The following CDPF1 variants were observed in gnomAD, a reference collection of about 807,000 sequenced individuals.
The protein encoded by CDPF1 is cysteine-rich DPF motif domain-containing protein 1.
A neutral mutation model predicts 8.3 loss-of-function variants in CDPF1; 8 were observed. The ratio of observed to expected loss-of-function variants is 0.96; its 90% CI spans 0.57 to 1.74. The LOEUF (loss-of-function observed/expected upper bound fraction) is 1.74, where lower values mean the gene tolerates loss of function less well. Among genes scored for constraint, CDPF1 ranks in the 40% most tolerant of loss-of-function variants. CDPF1 has a pLI of 0.00. For missense variants in CDPF1, 151 were observed against 155.3 expected (o/e 0.97, Z 0.15); for synonymous variants, 62 against 62.9 (o/e 0.99, Z 0.07).
chr22:46,244,849 G>A lies in CDPF1; in HGVS notation c.*243C>T, dbSNP rs1410095494. ...CTGGGCCCTGAGGGGCATGTGGGGG[G>A]ACCTGGCCGGGTTCCTGGCTGTGTC... On this transcript the variant is annotated 3_prime_UTR_variant, in exon 4 of 4. Coordinates refer to ENST00000314567, the MANE Select transcript of CDPF1 (RefSeq NM_207327.5). This position sits in a 1 kb window ranked among gnomAD's most constrained non-coding sequence, Gnocchi z 6.7. The A allele has an allele frequency of 2.0e-5, 10 of 494,894 alleles. No individual in the cohort carries two copies. Among genetic ancestry groups the A allele is most frequent in the Non-Finnish European group, 1.5e-5 (4 of 271,824 alleles). The allele number at this position is 494,894 out of a possible 1,614,324, so 30.7% of individuals were successfully genotyped here. A position where few individuals can be genotyped will look rare whatever the true frequency, so the allele number is the denominator to read the frequency against.
rs1463577662 is a variant in CDPF1 at position 46,244,260 on chromosome 22, G to C, written c.*832C>G. 1 of 152,594 alleles carries C rather than the reference G, an allele frequency of 6.6e-6. No individual in the cohort carries two copies. The highest frequency in any genetic ancestry group is 1.5e-5 in the Non-Finnish European group (1 of 68,418). The allele number at this position is 152,594 out of a possible 1,614,324, so 9.5% of individuals were successfully genotyped here. On this transcript the variant is annotated 3_prime_UTR_variant, in exon 4 of 4. Transcript: ENST00000314567. This position sits in a 1 kb window ranked among gnomAD's most constrained non-coding sequence, Gnocchi z 6.7. ...CACAGGCACCCAGGGCTGAGTGCGAGATGGCAGGGGGCAAGCAGGCAAGCA... is the reference window on the plus strand; with the variant it reads ...CACAGGCACCCAGGGCTGAGTGCGACATGGCAGGGGGCAAGCAGGCAAGCA...
In CDPF1 at chr22:46,248,997, A is replaced by C. The variant is rs555215103; in HGVS notation, c.1-713T>G. ...TCGCGTCACTGCACTCCAGCCTGGG[A>C]GACAGCGAGACTCCATCTCAAAAAA... On this transcript the variant is annotated intron_variant, in intron 1 of 3. Transcript: ENST00000314567. This position sits in a 1 kb window ranked among gnomAD's most constrained non-coding sequence, Gnocchi z 4.1. Among the ~76,000 whole-genome samples the C allele has an allele frequency of 1.3e-3, 201 of 152,094 alleles. 5 individuals are homozygous for C. The East Asian group carries it at 0.035, about 27-fold the overall frequency.
Position 46,248,991 on chromosome 22 carries a change from C to T in CDPF1, c.1-707G>A, listed in dbSNP as rs1302462384. Among the ~76,000 whole-genome samples, 3 of 151,988 alleles carry T rather than the reference C, an allele frequency of 2.0e-5. No homozygotes were observed. The highest frequency in any genetic ancestry group is 7.2e-5 in the African/African-American group (3 of 41,418). ...CCGAGATCGCGTCACTGCACTCCAGCCTGGGAGACAGCGAGACTCCATCTC... is the reference window on the plus strand; with the variant it reads ...CCGAGATCGCGTCACTGCACTCCAGTCTGGGAGACAGCGAGACTCCATCTC... On this transcript the variant is annotated intron_variant, in intron 1 of 3. Coordinates refer to ENST00000314567, the MANE Select transcript of CDPF1 (RefSeq NM_207327.5). This position sits in a 1 kb window ranked among gnomAD's most constrained non-coding sequence, Gnocchi z 4.1.
Position 46,249,385 on chromosome 22 carries a change from A to AT in CDPF1, c.-1+870dup, listed in dbSNP as rs1324818738. Among the ~76,000 whole-genome samples the AT allele has an allele frequency of 6.6e-6, 1 of 152,204 alleles. No homozygotes were observed. The highest frequency in any genetic ancestry group is 2.4e-5 in the African/African-American group (1 of 41,454). On this transcript the variant is annotated intron_variant, in intron 1 of 3. Coordinates refer to ENST00000314567, the MANE Select transcript of CDPF1 (RefSeq NM_207327.5). The surrounding 1 kb of genome is among the most constrained non-coding windows in gnomAD (Gnocchi z 4.6). ...TAAGTCTGGCCCGGTGTGGTTGCTCATACCTGTAATCCCAGCACTCTGGTA... is the reference window on the plus strand; with the variant it reads ...TAAGTCTGGCCCGGTGTGGTTGCTCATTACCTGTAATCCCAGCACTCTGGTA...
chr22:46,244,956 C>G lies in CDPF1; in HGVS notation c.*136G>C. ...TGCTCCAAGCTGGACTCCAGCTCCC[C>G]TGGGCTGCAGTGCTGCTCCCAGTGG... is the stretch of plus-strand genomic sequence containing the variant. On this transcript the variant is annotated 3_prime_UTR_variant, in exon 4 of 4. Transcript: ENST00000314567. This position sits in a 1 kb window ranked among gnomAD's most constrained non-coding sequence, Gnocchi z 6.7. The G allele has an allele frequency of 8.7e-7, 1 of 1,148,290 alleles. No homozygotes were observed. The highest frequency in any genetic ancestry group is 1.5e-5 in the South Asian group (1 of 65,332). The allele number at this position is 1,148,290 out of a possible 1,614,324, so 71.1% of individuals were successfully genotyped here. A position where few individuals can be genotyped will look rare whatever the true frequency, so the allele number is the denominator to read the frequency against.
At position 46,247,012 on chromosome 22, in the gene CDPF1, A is replaced by G; in HGVS notation, c.225+98T>C. 3.2e-6 allele frequency: 4 copies of G among 1,264,884 alleles called. No homozygotes were observed. Among genetic ancestry groups the G allele is most frequent in the Non-Finnish European group, 4.5e-6 (4 of 897,112 alleles). The allele number at this position is 1,264,884 out of a possible 1,614,324, so 78.4% of individuals were successfully genotyped here. ...GAGGGGCCCCATCTATAATGGGGTG[A>G]ACCCGCTGCTCCCTCTCTCCCAGCC... On this transcript the variant is annotated intron_variant, in intron 3 of 3. Transcript: ENST00000314567. This position sits in a 1 kb window ranked among gnomAD's most constrained non-coding sequence, Gnocchi z 4.3.
chr22:46,250,226 G>C (rs867697597), intron 1 of CDPF1, 30 bp downstream of exon 1: 2 of 152,322 alleles, frequency 1.3e-5, no homozygotes, highest in Non-Finnish European at 2.9e-5. Flanking sequence ...CAGCACGCTC[G>C]CCCCAGTCAC....
In CDPF1 at chr22:46,244,932, G is replaced by T; in HGVS notation, c.*160C>A. On this transcript the variant is annotated 3_prime_UTR_variant, in exon 4 of 4. Coordinates refer to ENST00000314567, the MANE Select transcript of CDPF1 (RefSeq NM_207327.5). This position sits in a 1 kb window ranked among gnomAD's most constrained non-coding sequence, Gnocchi z 6.7. Reference sequence around the variant, plus strand: ...GCTACAGCTCCCTGGGCCTGTGGCTGCTCCAAGCTGGACTCCAGCTCCCCT... The same window carrying T: ...GCTACAGCTCCCTGGGCCTGTGGCTTCTCCAAGCTGGACTCCAGCTCCCCT... 2.3e-6 allele frequency: 2 copies of T among 864,430 alleles called. No homozygotes were observed. Among genetic ancestry groups the T allele is most frequent in the Non-Finnish European group, 3.5e-6 (2 of 569,816 alleles). 53.5% of individuals were successfully genotyped at this position (864,430 alleles called of 1,614,324 possible). A position where few individuals can be genotyped will look rare whatever the true frequency, so the allele number is the denominator to read the frequency against.
chr22:46,246,643 T>C lies in CDPF1; in HGVS notation c.225+467A>G, dbSNP rs1444826300. On this transcript the variant is annotated intron_variant, in intron 3 of 3. Transcript: ENST00000314567. This position sits in a 1 kb window ranked among gnomAD's most constrained non-coding sequence, Gnocchi z 7.1. The stretch of plus-strand genomic sequence containing the variant: ...CTCTGAAGCTCAGTTCCCTCATCTA[T>C]AAAATGGGTGGAATATAATACTGCT... The C allele has an allele frequency of 1.3e-6, 2 of 1,546,856 alleles. No homozygotes were observed. Among genetic ancestry groups the C allele is most frequent in the Non-Finnish European group, 8.7e-7 (1 of 1,144,960 alleles).
Position 46,248,274 on chromosome 22 carries a change from T to C in CDPF1, c.11A>G (p.His4Arg), listed in dbSNP as rs1039957242. MAS[H>R]VECRPLGVFE... ...CACTCCCAGAGGACGGCACTCTACA[T>C]GGGACGCCATCTGCAAGATCAAGAG... Residue 4 changes from histidine to arginine, a missense_variant, in exon 2 of 4, where the codon CAT (histidine) becomes CGT (arginine). By Grantham distance (29) the His-to-Arg change is conservative. Coordinates refer to ENST00000314567, the MANE Select transcript of CDPF1 (RefSeq NM_207327.5). The surrounding 1 kb of genome is among the most constrained non-coding windows in gnomAD (Gnocchi z 4.1). 1 of 1,610,280 alleles carries C rather than the reference T, an allele frequency of 6.2e-7. No individual in the cohort carries two copies. The highest frequency in any genetic ancestry group is 8.5e-7 in the Non-Finnish European group (1 of 1,177,366).
At position 46,248,235 on chromosome 22, in the gene CDPF1, A is replaced by G; in HGVS notation, c.50T>C (p.Leu17Pro). 6.2e-7 allele frequency: 1 copy of G among 1,613,918 alleles called. No homozygotes were observed. Among genetic ancestry groups the G allele is most frequent in the Non-Finnish European group, 8.5e-7 (1 of 1,179,920 alleles). Residue 17 changes from leucine to proline, a missense_variant, in exon 2 of 4, where the codon CTC becomes CCC. Transcript: ENST00000314567. This position sits in a 1 kb window ranked among gnomAD's most constrained non-coding sequence, Gnocchi z 4.1. ...CRPLGVFECELCTLTAPYSYV... is the reference protein window; with the variant it reads ...CRPLGVFECEPCTLTAPYSYV... ...GCTGTACGGAGCTGTCAAGGTACAG[A>G]GTTCACACTCAAACACTCCCAGAGG... is the stretch of plus-strand genomic sequence containing the variant.
rs1312507128 is a variant in CDPF1 at position 46,245,200 on chromosome 22, AG to A, written c.263del (p.Pro88LeufsTer42). ...SLFYSKRFCL[P>X]CVRENINAFP... is the part of the protein sequence containing the mutation. Reference sequence around the variant, plus strand: ...AAGCATTGATGTTCTCCCGGACACAAGGGAGGCAGAATCTCTTGGAGTAGAA... The same window carrying A: ...AAGCATTGATGTTCTCCCGGACACAAGGAGGCAGAATCTCTTGGAGTAGAA... On this transcript the variant is annotated frameshift_variant, in exon 4 of 4. Coordinates refer to ENST00000314567, the MANE Select transcript of CDPF1 (RefSeq NM_207327.5). LOFTEE classifies it low-confidence loss of function (END_TRUNC). This position sits in a 1 kb window ranked among gnomAD's most constrained non-coding sequence, Gnocchi z 6.9. 43 of 1,614,074 alleles carry A rather than the reference AG, an allele frequency of 2.7e-5. 1 individual carries two copies. The Admixed American group carries it at 7.2e-4, about 27-fold the overall frequency.
At position 46,245,192 on chromosome 22, in the gene CDPF1, C is replaced by T. The variant is rs760755810; in HGVS notation, c.272G>A (p.Arg91Gln). 24 of 1,614,080 alleles carry T rather than the reference C, an allele frequency of 1.5e-5. No individual in the cohort carries two copies. Among genetic ancestry groups the T allele is most frequent in the South Asian group, 9.9e-5 (9 of 91,082 alleles). ...CTGAGGAAAAGCATTGATGTTCTCC[C>T]GGACACAAGGGAGGCAGAATCTCTT... is the stretch of plus-strand genomic sequence containing the variant. ...YSKRFCLPCV[R>Q]ENINAFPQEI... is the part of the protein sequence containing the mutation. Residue 91 changes from arginine to glutamine, a missense_variant, in exon 4 of 4, where the codon CGG becomes CAG. Coordinates refer to ENST00000314567, the MANE Select transcript of CDPF1 (RefSeq NM_207327.5). This position sits in a 1 kb window ranked among gnomAD's most constrained non-coding sequence, Gnocchi z 6.9.
rs1189190902 is a variant in CDPF1 at position 46,246,567 on chromosome 22, C to T, written c.225+543G>A. ...TGTGAAAGCCATGCTGCTCCACTTCCATCCGTCCTTGGGTTTACAGCTACC... is the reference window on the plus strand; with the variant it reads ...TGTGAAAGCCATGCTGCTCCACTTCTATCCGTCCTTGGGTTTACAGCTACC... On this transcript the variant is annotated intron_variant, in intron 3 of 3. Transcript: ENST00000314567. This position sits in a 1 kb window ranked among gnomAD's most constrained non-coding sequence, Gnocchi z 7.1. The T allele has an allele frequency of 1.0e-5, 14 of 1,371,148 alleles. No homozygotes were observed. The highest frequency in any genetic ancestry group is 1.4e-5 in the Non-Finnish European group (14 of 1,013,098). 84.9% of individuals were successfully genotyped at this position (1,371,148 alleles called of 1,614,324 possible). A position where few individuals can be genotyped will look rare whatever the true frequency, so the allele number is the denominator to read the frequency against.
Position 46,246,880 on chromosome 22 carries a change from C to G in CDPF1, c.225+230G>C. The G allele has an allele frequency of 6.6e-7, 1 of 1,520,070 alleles. No homozygotes were observed. Among genetic ancestry groups the G allele is most frequent in the Non-Finnish European group, 8.9e-7 (1 of 1,129,546 alleles). 94.2% of individuals were successfully genotyped at this position (1,520,070 alleles called of 1,614,324 possible). ...GGGAAGGGGAGGAACCCTGAGGGGC[C>G]ACTGGGGTGGGTGCAGAGCCACCAA... is the stretch of plus-strand genomic sequence containing the variant. On this transcript the variant is annotated intron_variant, in intron 3 of 3. Coordinates refer to ENST00000314567, the MANE Select transcript of CDPF1 (RefSeq NM_207327.5). The surrounding 1 kb of genome is among the most constrained non-coding windows in gnomAD (Gnocchi z 7.1).
Position 46,249,631 on chromosome 22 carries a change from A to G in CDPF1, c.-1+625T>C, listed in dbSNP as rs550539602. Among the ~76,000 whole-genome samples, 73 of 152,276 alleles carry G rather than the reference A, an allele frequency of 4.8e-4. No homozygotes were observed. Among genetic ancestry groups the G allele is most frequent in the African/African-American group, 1.6e-3 (68 of 41,532 alleles). ...GCCACTGTACTCCAGCCTGGGCGACAGGGCGAGACTCCTTCTCAAAAAAAT... is the reference window on the plus strand; with the variant it reads ...GCCACTGTACTCCAGCCTGGGCGACGGGGCGAGACTCCTTCTCAAAAAAAT... On this transcript the variant is annotated intron_variant, in intron 1 of 3. Transcript: ENST00000314567. The surrounding 1 kb of genome is among the most constrained non-coding windows in gnomAD (Gnocchi z 4.6).
At position 46,248,054 on chromosome 22, in the gene CDPF1, G is replaced by T; in HGVS notation, c.113+118C>A. ...ATTACACCAGAAGCATTCAGAGCCT[G>T]GCCAGGGTGGGGTCTAAAGCTCCAC... On this transcript the variant is annotated intron_variant, in intron 2 of 3. Transcript: ENST00000314567. The surrounding 1 kb of genome is among the most constrained non-coding windows in gnomAD (Gnocchi z 4.1). 1 of 637,164 alleles carries T rather than the reference G, an allele frequency of 1.6e-6. No individual in the cohort carries two copies. 39.5% of individuals were successfully genotyped at this position (637,164 alleles called of 1,614,324 possible).
chr22:46,247,307 C>A lies in CDPF1; in HGVS notation c.114-86G>T. 2.2e-6 allele frequency: 2 copies of A among 896,130 alleles called. No individual in the cohort carries two copies. The highest frequency in any genetic ancestry group is 1.4e-5 in the South Asian group (1 of 70,136). The allele number at this position is 896,130 out of a possible 1,614,324, so 55.5% of individuals were successfully genotyped here. A position where few individuals can be genotyped will look rare whatever the true frequency, so the allele number is the denominator to read the frequency against. ...ATGACCTATGGCCAGGCAGCAGCAG[C>A]CTGCACCTCTGCAGGGCCTGCATAC... On this transcript the variant is annotated intron_variant, in intron 2 of 3. Transcript: ENST00000314567. This position sits in a 1 kb window ranked among gnomAD's most constrained non-coding sequence, Gnocchi z 4.3.
At position 46,247,787 on chromosome 22, in the gene CDPF1, C is replaced by A. The variant is rs755865428; in HGVS notation, c.113+385G>T. Among the ~76,000 whole-genome samples, 3 of 152,234 alleles carry A rather than the reference C, an allele frequency of 2.0e-5. No individual in the cohort carries two copies. The highest frequency in any genetic ancestry group is 4.4e-5 in the Non-Finnish European group (3 of 68,044). Reference sequence around the variant, plus strand: ...CAACAAAGTGGCATTTGATGAAGGACAAGCTGGAGGTCAAGAGATAAGCCC... The same window carrying A: ...CAACAAAGTGGCATTTGATGAAGGAAAAGCTGGAGGTCAAGAGATAAGCCC... On this transcript the variant is annotated intron_variant, in intron 2 of 3. Coordinates refer to ENST00000314567, the MANE Select transcript of CDPF1 (RefSeq NM_207327.5). This position sits in a 1 kb window ranked among gnomAD's most constrained non-coding sequence, Gnocchi z 4.3.
Sources: gnomAD v4.1 joint callset for allele counts (sites outside exome capture counted in the v4.1 genomes callset) on GRCh38, gnomAD v4.1.1 for gene constraint, Gnocchi (gnomAD v3.1) non-coding constraint, MANE v1.5 for transcripts, NCBI Gene and HGNC (gene_info 2026-07-23, HGNC 2026-07-21) for gene names.